MCCC2: variants seen among roughly 807,000 people sequenced by gnomAD.
MCCC2 encodes the protein methylcrotonoyl-CoA carboxylase beta chain, mitochondrial.
A neutral mutation model predicts 77.2 loss-of-function variants in MCCC2; 52 were observed. The ratio of observed to expected loss-of-function variants is 0.67; its 90% CI spans 0.54 to 0.85. The LOEUF is 0.85. Ranked by LOEUF, MCCC2 falls within the 40% of genes least tolerant of loss-of-function variation. The pLI is 0.00. For missense variants in MCCC2, 682 were observed against 703.2 expected (o/e 0.97, Z 0.34); for synonymous variants, 253 against 248.4 (o/e 1.02, Z -0.18).
intron 10 of MCCC2, chr5:71,636,043 C>G (rs913297462): frequency 2.8e-6 from 1 of 352,226 alleles, no homozygotes; most frequent in Admixed American, 3.2e-5. Flanking sequence ...ATAGTCTATA[C>G]GTATATTTTT....
chr5:71,653,424 A>C (rs1368065380), intron 16 of MCCC2, among the ~76,000 whole-genome samples: 1 of 152,168 alleles, frequency 6.6e-6, no homozygotes, highest in African/African-American at 2.4e-5. Flanking sequence ...CCGAAGACTA[A>C]TCTAAGCTTC....
At chr5:71,655,996 C>T (rs1383306817) in intron 16 of MCCC2, among the ~76,000 whole-genome samples, 1 of 152,182 alleles carries the variant, frequency 6.6e-6, no homozygotes, top group Non-Finnish European at 1.5e-5. Flanking sequence ...GGGCGGATCA[C>T]CTGAGGTCAG....
chr5:71,649,061 A>G (rs755096499), intron 13 of MCCC2, 36 bp from the exon 14 acceptor site: 5 of 1,613,068 alleles, frequency 3.1e-6, no homozygotes, highest in East Asian at 2.2e-5. Flanking sequence ...TATTAATCCC[A>G]TCACCCAGAG....
At chr5:71,641,580 C>T (rs1469251516) in intron 11 of MCCC2, among the ~76,000 whole-genome samples, 2 of 152,024 alleles carry the variant, frequency 1.3e-5, no homozygotes, top group African/African-American at 2.4e-5. Flanking sequence ...CAGTATATCA[C>T]GTCAGGAAAA....
At chr5:71,619,829 A>C (rs2112391026) in intron 6 of MCCC2, among the ~76,000 whole-genome samples, 1 of 152,176 alleles carries the variant, frequency 6.6e-6, no homozygotes, top group African/African-American at 2.4e-5. Context: ...GTCTCTACTA[A>C]AAATACAAAA....
intron 6 of MCCC2, among the ~76,000 whole-genome samples, chr5:71,608,789 G>C (rs1403045435): frequency 1.1e-4 from 16 of 152,060 alleles, no homozygotes; most frequent in Admixed American, 8.5e-4. Flanking sequence ...CTCAGCATTT[G>C]CTTGTCTGTA....
At chr5:71,643,795 A>G in intron 11 of MCCC2, 24 bp from the exon 12 acceptor site, 1 of 1,614,052 alleles carries the variant, frequency 6.2e-7, no homozygotes, top group South Asian at 1.1e-5. Context: ...CAAGACATAA[A>G]TCTTCTTTGA....
chr5:71,640,697 C>G (rs373007253), intron 10 of MCCC2, among the ~76,000 whole-genome samples: 2 of 152,300 alleles, frequency 1.3e-5, no homozygotes, highest in Admixed American at 6.5e-5. Flanking sequence ...ATCCCTGAAC[C>G]TCTGCCGGTA....
At chr5:71,599,841 A>G (rs1745352826) in intron 4 of MCCC2, 81 bp downstream of exon 4, 2 of 1,102,466 alleles carry the variant, frequency 1.8e-6, no homozygotes, top group South Asian at 1.2e-5. Context: ...CTCACTTTGC[A>G]TATTAGCATG....
At chr5:71,622,299 C>A (rs1046131600) in intron 6 of MCCC2, among the ~76,000 whole-genome samples, 1 of 151,610 alleles carries the variant, frequency 6.6e-6, no homozygotes, top group Admixed American at 6.6e-5. Context: ...AACTCAGGTA[C>A]CCCATAAATA....
At chr5:71,648,991 G>T in intron 13 of MCCC2, 106 bp from the exon 14 acceptor site, 1 of 1,265,466 alleles carries the variant, frequency 7.9e-7, no homozygotes, top group Non-Finnish European at 1.2e-6. Context: ...AAGGCGAGAG[G>T]CATTTAGTAA....
At chr5:71,595,735 G>C (rs1745161219) in intron 2 of MCCC2, among the ~76,000 whole-genome samples, 1 of 152,164 alleles carries the variant, frequency 6.6e-6, no homozygotes, top group South Asian at 2.1e-4. Flanking sequence ...GCAATGTTGA[G>C]AAGCACTGAA....
At chr5:71,604,525 G>A (rs113584806) in intron 6 of MCCC2, 57 bp downstream of exon 6, 9 of 1,278,210 alleles carry the variant, frequency 7.0e-6, no homozygotes, top group South Asian at 2.4e-5. Flanking sequence ...GTATCTTTAC[G>A]AATTAGGTAC....
At chr5:71,605,372 A>C (rs1375274464) in intron 6 of MCCC2, among the ~76,000 whole-genome samples, 3 of 151,704 alleles carry the variant, frequency 2.0e-5, no homozygotes, top group Non-Finnish European at 4.4e-5. Flanking sequence ...TGGCTGCATA[A>C]ATGTCTTCTT....
At chr5:71,654,240 T>G (rs1747521538) in intron 16 of MCCC2, among the ~76,000 whole-genome samples, 1 of 152,194 alleles carries the variant, frequency 6.6e-6, no homozygotes, top group African/African-American at 2.4e-5. Flanking sequence ...CAAGTGATCC[T>G]GCCTCGGCCT....
chr5:71,599,219 A>G (rs1235351947), intron 3 of MCCC2, among the ~76,000 whole-genome samples: 1 of 152,032 alleles, frequency 6.6e-6, no homozygotes, highest in African/African-American at 2.4e-5. Context: ...AAATACAAAA[A>G]ATTAGCTGGT....
At chr5:71,612,638 T>C (rs1746002840) in intron 6 of MCCC2, among the ~76,000 whole-genome samples, 1 of 152,252 alleles carries the variant, frequency 6.6e-6, no homozygotes, top group South Asian at 2.1e-4. Flanking sequence ...ATTACAGGCC[T>C]GAGCCAACAT....
chr5:71,606,522 CAG>C (rs1279261472), intron 6 of MCCC2, among the ~76,000 whole-genome samples: 3 of 135,454 alleles, frequency 2.2e-5, no homozygotes, highest in African/African-American at 8.3e-5. Flanking sequence ...CGTCTGCAAA[CAG>C]GGACAATTTG....
At chr5:71,592,423 T>G (rs1351175328) in intron 1 of MCCC2, among the ~76,000 whole-genome samples, 1 of 152,048 alleles carries the variant, frequency 6.6e-6, no homozygotes, top group Non-Finnish European at 1.5e-5. Flanking sequence ...TAAGATCCTT[T>G]TTCTCCCTCT....
Sources: gnomAD v4.1 joint callset for allele counts (sites outside exome capture counted in the v4.1 genomes callset) on GRCh38, gnomAD v4.1.1 for gene constraint, MANE v1.5 for transcripts, NCBI Gene and HGNC (gene_info 2026-07-23, HGNC 2026-07-21) for gene names.